Variants in PPP2R3A observed in about 807,000 individuals in gnomAD.
The protein encoded by PPP2R3A is protein phosphatase 2 regulatory subunit B''alpha.
A neutral mutation model predicts 106.9 loss-of-function variants in PPP2R3A; 80 were observed. The ratio of observed to expected loss-of-function variants is 0.75; its 90% CI spans 0.62 to 0.90. The LOEUF is 0.90. PPP2R3A is among the 40% of genes least tolerant of loss of function. The pLI, the probability that PPP2R3A is intolerant of heterozygous loss-of-function variation, is 0.00. For missense variants in PPP2R3A, 1,386 were observed against 1,350.4 expected (o/e 1.03, Z -0.41); for synonymous variants, 483 against 468.3 (o/e 1.03, Z -0.41).
In PPP2R3A at chr3:136,023,475, A is replaced by G. The variant is rs59985031; in HGVS notation, c.1996-3357A>G. 7.3e-3 allele frequency among the ~76,000 whole-genome samples: 1,104 copies of G among 152,234 alleles called. 11 individuals carry two copies. The highest frequency in any genetic ancestry group is 0.026 in the African/African-American group (1,082 of 41,554). On this transcript the variant is annotated intron_variant, in intron 2 of 13. Transcript: ENST00000264977. ...GTAGAGAGGGAATCCAGTTTTAGAG[A>G]CAACAAATACAACTTAATGAACATT... is the stretch of plus-strand genomic sequence containing the variant.
intron 13 of PPP2R3A, among the ~76,000 whole-genome samples, chr3:136,141,548 TAAGG>T (rs1266903117): frequency 7.2e-5 from 11 of 152,124 alleles, no homozygotes; most frequent in South Asian, 4.1e-4. Flanking sequence ...GGGAGACAAA[TAAGG>T]AAGCCATTAC....
chr3:136,085,477 G>T (rs921563028), intron 8 of PPP2R3A, among the ~76,000 whole-genome samples: 1 of 151,968 alleles, frequency 6.6e-6, no homozygotes, highest in Non-Finnish European at 1.5e-5. Flanking sequence ...ATGGGGTTTC[G>T]CCTTGTTGCC....
intron 1 of PPP2R3A, among the ~76,000 whole-genome samples, chr3:135,967,674 A>G (rs1937125450): frequency 6.6e-6 from 1 of 152,120 alleles, no homozygotes; most frequent in African/African-American, 2.4e-5. Flanking sequence ...TTACCTTTCA[A>G]ACACACAGCT....
chr3:136,116,271 C>T (rs1937755064), intron 13 of PPP2R3A, among the ~76,000 whole-genome samples: 1 of 152,116 alleles, frequency 6.6e-6, no homozygotes, highest in Non-Finnish European at 1.5e-5. Context: ...ACAACCGGTA[C>T]CAGCCACTGC....
intron 13 of PPP2R3A, among the ~76,000 whole-genome samples, chr3:136,122,638 A>C (rs1211005972): frequency 6.6e-6 from 1 of 152,198 alleles, no homozygotes; most frequent in Non-Finnish European, 1.5e-5. Flanking sequence ...AAACAACAAC[A>C]AAAAAATCTA....
At chr3:136,108,269 C>T (rs1937547240) in intron 13 of PPP2R3A, among the ~76,000 whole-genome samples, 1 of 151,758 alleles carries the variant, frequency 6.6e-6, no homozygotes, top group South Asian at 2.1e-4. Flanking sequence ...TGGAGGCAAT[C>T]TAGGTATCTA....
intron 5 of PPP2R3A, among the ~76,000 whole-genome samples, chr3:136,060,776 G>A (rs148066018): frequency 6.6e-6 from 1 of 152,042 alleles, no homozygotes; most frequent in Non-Finnish European, 1.5e-5. Flanking sequence ...TCAATCAAAG[G>A]ATACAAAATT....
At chr3:135,987,279 T>C (rs911813397) in intron 1 of PPP2R3A, among the ~76,000 whole-genome samples, 3 of 152,122 alleles carry the variant, frequency 2.0e-5, no homozygotes, top group African/African-American at 7.2e-5. Context: ...CTTATAGCAG[T>C]AACATAACCA....
rs111770012 is a variant in PPP2R3A at position 136,059,271 on chromosome 3, G to A, written c.2469+9910G>A. 6.4e-3 allele frequency among the ~76,000 whole-genome samples: 964 copies of A among 151,056 alleles called. 6 individuals are homozygous for A. The highest frequency in any genetic ancestry group is 0.014 in the Middle Eastern group (4 of 294). On this transcript the variant is annotated intron_variant, in intron 5 of 13. Transcript: ENST00000264977. ...AGGTCTAATATCCAGCATCTATAAGGAACTTAAATAATTTACAAGAAAAAA... is the reference window on the plus strand; with the variant it reads ...AGGTCTAATATCCAGCATCTATAAGAAACTTAAATAATTTACAAGAAAAAA...
In PPP2R3A at chr3:136,145,518, T is replaced by A. The variant is rs1939083449; in HGVS notation, c.*352T>A. 6.4e-6 allele frequency: 1 copy of A among 155,240 alleles called. No homozygotes were observed. Among genetic ancestry groups the A allele is most frequent in the Non-Finnish European group, 1.4e-5 (1 of 70,040 alleles). 9.6% of individuals were successfully genotyped at this position (155,240 alleles called of 1,614,324 possible). A position where few individuals can be genotyped will look rare whatever the true frequency, so the allele number is the denominator to read the frequency against. ...CTCTGTGTTGGCTGGCATCCCTGAG[T>A]CCCCTCCGGGCTCCTATGGAGCCTA... On this transcript the variant is annotated 3_prime_UTR_variant, in exon 14 of 14. Transcript: ENST00000264977.
chr3:136,090,196 T>C (rs1329431984), intron 9 of PPP2R3A, among the ~76,000 whole-genome samples: 1 of 152,206 alleles, frequency 6.6e-6, no homozygotes, highest in Admixed American at 6.5e-5. Context: ...AGGGGATTGC[T>C]TCTAGCTTTT....
At chr3:135,972,132 C>G (rs1252817501) in intron 1 of PPP2R3A, among the ~76,000 whole-genome samples, 1 of 152,166 alleles carries the variant, frequency 6.6e-6, no homozygotes, top group Non-Finnish European at 1.5e-5. Context: ...CTCGCCATTC[C>G]CCTTTACCCC....
At position 136,145,199 on chromosome 3, in the gene PPP2R3A, AT is replaced by A. The variant is rs773342771; in HGVS notation, c.*37del. On this transcript the variant is annotated 3_prime_UTR_variant, in exon 14 of 14. Transcript: ENST00000264977. ...TGTCTACAATGAAACGAAGATGTGT[AT>A]TTTAAATGTTTCTTTCTTGTGAAGA... The A allele has an allele frequency of 1.3e-6, 2 of 1,580,892 alleles. No homozygotes were observed. Among genetic ancestry groups the A allele is most frequent in the African/African-American group, 2.7e-5 (2 of 73,174 alleles).
chr3:136,141,010 A>G (rs1463029261), intron 13 of PPP2R3A, among the ~76,000 whole-genome samples: 1 of 152,250 alleles, frequency 6.6e-6, no homozygotes, highest in Non-Finnish European at 1.5e-5. Flanking sequence ...TCACAAGAGC[A>G]TTAGGACATC....
intron 10 of PPP2R3A, among the ~76,000 whole-genome samples, chr3:136,092,945 A>G (rs1203465345): frequency 6.6e-6 from 1 of 152,178 alleles, no homozygotes; most frequent in Non-Finnish European, 1.5e-5. Context: ...ACATACTACA[A>G]AAATTAAGTC....
chr3:135,976,569 TTAAA>T (rs747500689), intron 1 of PPP2R3A, among the ~76,000 whole-genome samples: 46 of 152,132 alleles, frequency 3.0e-4, no homozygotes, highest in South Asian at 6.2e-4. Flanking sequence ...ATAAATAAAC[TTAAA>T]TAAATAAACT....
At chr3:136,060,026 A>G (rs1017034587) in intron 5 of PPP2R3A, among the ~76,000 whole-genome samples, 1 of 152,188 alleles carries the variant, frequency 6.6e-6, no homozygotes, top group Non-Finnish European at 1.5e-5. Flanking sequence ...AAAATAACTA[A>G]TAGTTAATGG....
rs764373406 is a variant in PPP2R3A, at chr3:136,002,180, G to T, written c.682G>T (p.Asp228Tyr). The change falls in exon 2 of 14, where the codon GAC becomes TAC. Residue 228 changes from aspartate to tyrosine, a missense_variant. By Grantham distance (160) the Asp-to-Tyr change is radical. Coordinates refer to ENST00000264977, the MANE Select transcript of PPP2R3A (RefSeq NM_002718.5). ...HKIDNFSSGTDIKMCLDILLK... is the reference protein window; with the variant it reads ...HKIDNFSSGTYIKMCLDILLK... The stretch of plus-strand genomic sequence containing the variant: ...AATAGATAATTTTTCTTCTGGGACA[G>T]ACATAAAGATGTGCTTGGACATCTT... The T allele has an allele frequency of 1.2e-6, 2 of 1,613,460 alleles. No homozygotes were observed. The highest frequency in any genetic ancestry group is 1.7e-6 in the Non-Finnish European group (2 of 1,179,790).
chr3:136,142,355 C>A (rs908593415), intron 13 of PPP2R3A, among the ~76,000 whole-genome samples: 1 of 152,086 alleles, frequency 6.6e-6, no homozygotes, highest in African/African-American at 2.4e-5. Context: ...CAGACATGCC[C>A]AAATGTCCCC....
Sources: gnomAD v4.1 joint callset for allele counts (sites outside exome capture counted in the v4.1 genomes callset) on GRCh38, gnomAD v4.1.1 for gene constraint, MANE v1.5 for transcripts, NCBI Gene and HGNC (gene_info 2026-07-23, HGNC 2026-07-21) for gene names.